Variants in PTPRD observed in about 807,000 individuals in gnomAD.
PTPRD encodes receptor-type tyrosine-protein phosphatase delta.
PTPRD carries 34 observed loss-of-function variants against 214.5 expected under a neutral mutation model. The ratio of observed to expected loss-of-function variants is 0.16; its 90% CI spans 0.12 to 0.21. The LOEUF (loss-of-function observed/expected upper bound fraction) is 0.21, where lower values mean the gene tolerates loss of function less well. PTPRD is among the 10% of genes least tolerant of loss of function. The pLI, the probability that PTPRD is intolerant of heterozygous loss-of-function variation, is 1.00. For missense variants in PTPRD, 2,545 were observed against 2,398.7 expected (o/e 1.06, Z -1.27); for synonymous variants, 1,128 against 845.7 (o/e 1.33, Z -5.79).
rs189360733 is a variant in PTPRD at position 10,025,223 on chromosome 9, T to C, written c.-472+8495A>G. 1.2e-3 allele frequency among the ~76,000 whole-genome samples: 185 copies of C among 152,300 alleles called. 1 individual carries two copies. The highest frequency in any genetic ancestry group is 3.3e-3 in the Admixed American group (50 of 15,286). ...ATCGCCACACTGACTTCCACAATGG[T>C]TGAACTACTTTACAGTCCCACCAAC... is the stretch of plus-strand genomic sequence containing the variant. On this transcript the variant is annotated intron_variant, in intron 4 of 45. Coordinates refer to ENST00000381196, the MANE Select transcript of PTPRD (RefSeq NM_002839.4).
chr9:9,901,022 C>A (rs1205777806), intron 5 of PTPRD, among the ~76,000 whole-genome samples: 1 of 152,112 alleles, frequency 6.6e-6, no homozygotes, highest in Non-Finnish European at 1.5e-5. Context: ...GTTTATTTGT[C>A]TGACAGTTCT....
At chr9:10,331,228 G>A (rs1313300417) in intron 3 of PTPRD, among the ~76,000 whole-genome samples, 1 of 151,866 alleles carries the variant, frequency 6.6e-6, no homozygotes, top group Non-Finnish European at 1.5e-5. Flanking sequence ...TTTGAAAGAG[G>A]AGTGCTACTG....
At chr9:9,539,320 T>C (rs1252281999) in intron 8 of PTPRD, among the ~76,000 whole-genome samples, 1 of 151,702 alleles carries the variant, frequency 6.6e-6, no homozygotes, top group Admixed American at 6.6e-5. Context: ...CACTTGAGCA[T>C]AGGGAATGAA....
intron 2 of PTPRD, among the ~76,000 whole-genome samples, chr9:10,413,208 C>T (rs2098455039): frequency 6.6e-6 from 1 of 151,838 alleles, no homozygotes; most frequent in Non-Finnish European, 1.5e-5. Flanking sequence ...ATCTAGAAAA[C>T]CCCACAGTCT....
chr9:10,189,333 G>C lies in PTPRD; in HGVS notation c.-545+151630C>G, dbSNP rs12554626. ...CATATGTGGAGTTGGTGCTGGCTGA[G>C]TTCCATACGCATGGGTCTTTCATCC... On this transcript the variant is annotated intron_variant, in intron 3 of 45. Coordinates refer to ENST00000381196, the MANE Select transcript of PTPRD (RefSeq NM_002839.4). 7.3e-3 allele frequency among the ~76,000 whole-genome samples: 1,116 copies of C among 152,246 alleles called. 37 individuals are homozygous for C. The highest frequency in any genetic ancestry group is 0.049 in the East Asian group (254 of 5,168).
chr9:9,132,329 T>G (rs1011630437), intron 10 of PTPRD, among the ~76,000 whole-genome samples: 5 of 152,170 alleles, frequency 3.3e-5, no homozygotes, highest in African/African-American at 4.8e-5. Flanking sequence ...TTTTGAAGGT[T>G]GTGAATTTTC....
In PTPRD at chr9:10,248,281, T is replaced by A. The variant is rs1296706554; in HGVS notation, c.-545+92682A>T. ...CGTTTTTTGGGGTGATCCTAAGAAA[T>A]TTGTAAACAATTATGCCTCATACTT... On this transcript the variant is annotated intron_variant, in intron 3 of 45. Transcript: ENST00000381196. 4.6e-5 allele frequency among the ~76,000 whole-genome samples: 7 copies of A among 152,022 alleles called. No individual in the cohort carries two copies. In the East Asian group the frequency reaches 7.7e-4, roughly 17 times the overall value.
intron 9 of PTPRD, among the ~76,000 whole-genome samples, chr9:9,241,838 A>G (rs10977608): frequency 6.6e-6 from 1 of 151,704 alleles, no homozygotes; most frequent in Non-Finnish European, 1.5e-5. Flanking sequence ...CATTTAGCCC[A>G]TTTACACTGA....
intron 3 of PTPRD, among the ~76,000 whole-genome samples, chr9:10,296,286 T>C (rs1038858264): frequency 2.0e-5 from 3 of 151,988 alleles, no homozygotes; most frequent in Non-Finnish European, 2.9e-5. Flanking sequence ...TGGATAAAAA[T>C]AGAAATTGAC....
chr9:9,822,882 G>A (rs1311459868), intron 5 of PTPRD, among the ~76,000 whole-genome samples: 14 of 152,146 alleles, frequency 9.2e-5, no homozygotes, highest in South Asian at 2.1e-4. Context: ...GTAAGTCAAC[G>A]CAGTCACTAT....
At chr9:9,102,486 G>T (rs997153614) in intron 10 of PTPRD, among the ~76,000 whole-genome samples, 1 of 152,128 alleles carries the variant, frequency 6.6e-6, no homozygotes, top group Non-Finnish European at 1.5e-5. Flanking sequence ...GTGGCCTTCA[G>T]CCATTTGGCG....
chr9:8,335,772 G>C (rs1385365442), intron 43 of PTPRD, among the ~76,000 whole-genome samples: 4 of 152,158 alleles, frequency 2.6e-5, no homozygotes, highest in Non-Finnish European at 5.9e-5. Flanking sequence ...ATCTCAAGCT[G>C]ATAAGAAACT....
chr9:9,079,375 A>G (rs749556582), intron 10 of PTPRD, among the ~76,000 whole-genome samples: 2 of 152,086 alleles, frequency 1.3e-5, no homozygotes, highest in East Asian at 3.9e-4. Flanking sequence ...CATACATGAC[A>G]GGATTTTATT....
chr9:8,936,823 G>GGATA (rs2099001129), intron 11 of PTPRD, among the ~76,000 whole-genome samples: 2 of 152,116 alleles, frequency 1.3e-5, no homozygotes, highest in African/African-American at 4.8e-5. Context: ...GGTGAACATG[G>GGATA]GATAATTCAA....
chr9:8,912,690 G>T (rs942150092), intron 11 of PTPRD, among the ~76,000 whole-genome samples: 3 of 151,930 alleles, frequency 2.0e-5, no homozygotes, highest in Non-Finnish European at 2.9e-5. Flanking sequence ...TAAAGACAAT[G>T]GATTAATTCA....
At chr9:10,344,515 T>A (rs935378692) in intron 2 of PTPRD, among the ~76,000 whole-genome samples, 3 of 152,186 alleles carry the variant, frequency 2.0e-5, no homozygotes, top group Admixed American at 2.0e-4. Flanking sequence ...CAATGTAGGC[T>A]CTTTTTTGGT....
intron 8 of PTPRD, among the ~76,000 whole-genome samples, chr9:9,481,525 GTTTTAA>G (rs1256797066): frequency 1.3e-5 from 2 of 151,942 alleles, no homozygotes; most frequent in East Asian, 1.9e-4. Context: ...TCTACAAAAT[GTTTTAA>G]TTTTAATTTA....
At chr9:8,543,660 A>G (rs945148857) in intron 14 of PTPRD, among the ~76,000 whole-genome samples, 7 of 151,170 alleles carry the variant, frequency 4.6e-5, no homozygotes, top group African/African-American at 1.5e-4. Context: ...GAATTAACTC[A>G]GAAGATAAAA....
chr9:9,274,877 AC>A (rs1390902024), intron 9 of PTPRD, among the ~76,000 whole-genome samples: 1 of 148,400 alleles, frequency 6.7e-6, no homozygotes, highest in Non-Finnish European at 1.5e-5. Context: ...GAATGATTCT[AC>A]TCGTAAATAA....
Sources: gnomAD v4.1 joint callset for allele counts (sites outside exome capture counted in the v4.1 genomes callset) on GRCh38, gnomAD v4.1.1 for gene constraint, MANE v1.5 for transcripts, NCBI Gene and HGNC (gene_info 2026-07-23, HGNC 2026-07-21) for gene names.